ZC3H12B: variants seen among roughly 807,000 people sequenced by gnomAD.
ZC3H12B encodes zinc finger CCCH-type containing 12B.
ZC3H12B carries 7 observed loss-of-function variants against 43.9 expected under a neutral mutation model. That is an observed-to-expected ratio of 0.16 (90% CI 0.09 to 0.30). ZC3H12B has a LOEUF of 0.30. ZC3H12B is among the 10% of genes least tolerant of loss of function. The pLI is 1.00. For synonymous variants in ZC3H12B, 222 were observed against 241.7 expected (o/e 0.92, Z 0.76); for missense variants, 475 against 670.2 (o/e 0.71, Z 3.22).
rs758801799 is a variant in ZC3H12B at position 65,382,599 on chromosome X, C to T, written n.295+13601C>T. Among the ~76,000 whole-genome samples the T allele has an allele frequency of 5.8e-3, 648 of 111,301 alleles. 6 individuals carry two copies. Among genetic ancestry groups the T allele is most frequent in the African/African-American group, 0.02 (603 of 30,544 alleles). ...TTCAGCATAGTATTGGAAGTTCTGG[C>T]TAGGGCAATCAGGCAGGAGAAGGAA... On this transcript the variant is annotated intron_variant and non_coding_transcript_variant, in intron 2 of 5. Transcript: ENST00000617377.
At chrX:65,215,913 A>G in the ZC3H12B span, among the ~76,000 whole-genome samples, 8 of 111,589 alleles carry the variant, frequency 7.2e-5, no homozygotes, top group Non-Finnish European at 1.1e-4. Flanking sequence ...GTCTCAGGGA[A>G]TAGGGAAGCC....
At chrX:65,448,115 G>T (rs2067404665) in intron 3 of ZC3H12B, among the ~76,000 whole-genome samples, 1 of 110,559 alleles carries the variant, frequency 9.0e-6, no homozygotes, top group South Asian at 3.9e-4. Flanking sequence ...GGCACCTGTA[G>T]TCCCAGCTAC....
At chrX:65,345,896 G>T in the ZC3H12B span, among the ~76,000 whole-genome samples, 5 of 110,737 alleles carry the variant, frequency 4.5e-5, no homozygotes, top group Non-Finnish European at 9.5e-5. Flanking sequence ...ATATTCCTAG[G>T]AATACATCTA....
At chrX:65,158,382 C>A in the ZC3H12B span, among the ~76,000 whole-genome samples, 2 of 111,309 alleles carry the variant, frequency 1.8e-5, no homozygotes, top group Non-Finnish European at 1.9e-5. Flanking sequence ...AGTTTACAGT[C>A]CCACCAACAG....
At chrX:65,372,762 A>G (rs148433045) in intron 2 of ZC3H12B, among the ~76,000 whole-genome samples, 6,733 of 112,233 alleles carry the variant, frequency 0.06, 209 homozygotes, top group Non-Finnish European at 0.097. Context: ...GGTTTGGAGA[A>G]CTAGATAACC....
At chrX:65,459,492 CA>C (rs2067697660) in intron 3 of ZC3H12B, among the ~76,000 whole-genome samples, 1 of 111,602 alleles carries the variant, frequency 9.0e-6, no homozygotes. Context: ...AGCAGCACAT[CA>C]AAAAGCTTAT....
chrX:65,129,233 T>G, the ZC3H12B span, among the ~76,000 whole-genome samples: 1 of 92,797 alleles, frequency 1.1e-5, no homozygotes, highest in Non-Finnish European at 1.9e-5. Context: ...AATGGCTCTA[T>G]TATATATGTA....
chrX:65,340,938 T>G, the ZC3H12B span, among the ~76,000 whole-genome samples: 2 of 111,696 alleles, frequency 1.8e-5, no homozygotes, highest in African/African-American at 6.5e-5. Context: ...TGAAACCCAA[T>G]CTAAGGAAGC....
the ZC3H12B span, among the ~76,000 whole-genome samples, chrX:65,106,439 A>G: frequency 1.8e-5 from 2 of 111,534 alleles, no homozygotes; most frequent in Admixed American, 9.6e-5. Context: ...TCTTTTATGT[A>G]CATTGCTCTG....
chrX:65,293,753 A>C, the ZC3H12B span, among the ~76,000 whole-genome samples: 1 of 111,405 alleles, frequency 9.0e-6, no homozygotes, highest in African/African-American at 3.3e-5. Flanking sequence ...AGAAGAAAGA[A>C]CATCAGAGTT....
At chrX:65,472,093 A>G (rs2067923062) in intron 3 of ZC3H12B, among the ~76,000 whole-genome samples, 1 of 111,948 alleles carries the variant, frequency 8.9e-6, no homozygotes. Flanking sequence ...GCATAAAAAT[A>G]TCTTTGGCTG....
chrX:65,464,759 ACTTTT>A (rs777505508), intron 3 of ZC3H12B, among the ~76,000 whole-genome samples: 210 of 110,192 alleles, frequency 1.9e-3, no homozygotes, highest in African/African-American at 6.4e-3. Context: ...TAGGTAGAAA[ACTTTT>A]CTTTAAGCAC....
chrX:65,331,624 AG>A, the ZC3H12B span, among the ~76,000 whole-genome samples: 1 of 110,056 alleles, frequency 9.1e-6, no homozygotes, highest in African/African-American at 3.3e-5. Flanking sequence ...TTATTAGGAA[AG>A]TAAAGGAATA....
At chrX:65,300,158 TATGGGGGAAGGGTGA>T in the ZC3H12B span, among the ~76,000 whole-genome samples, 2 of 111,698 alleles carry the variant, frequency 1.8e-5, no homozygotes, top group Non-Finnish European at 3.8e-5. Flanking sequence ...CTGGACAGAA[TATGGGGGAAGGGTGA>T]ATGGGGCATG....
Position 65,478,756 on chromosome X carries a change from CT to C in ZC3H12B, n.408-9887del, listed in dbSNP as rs752321042. ...GCCTTCACTTCCTGATTACATAAACCTTTAATGTCAACCAAAGGTGAGGGAT... is the reference window on the plus strand; with the variant it reads ...GCCTTCACTTCCTGATTACATAAACCTTAATGTCAACCAAAGGTGAGGGAT... On this transcript the variant is annotated intron_variant and non_coding_transcript_variant, in intron 3 of 5. Transcript: ENST00000617377. Among the ~76,000 whole-genome samples the C allele has an allele frequency of 5.3e-5, 6 of 112,275 alleles. No homozygotes were observed. The South Asian group carries it at 1.5e-3, about 28-fold the overall frequency.
the ZC3H12B span, among the ~76,000 whole-genome samples, chrX:65,228,257 A>T: frequency 2.7e-5 from 3 of 112,350 alleles, no homozygotes; most frequent in African/African-American, 6.5e-5. Context: ...ATAATCCAGC[A>T]TATAAACAGA....
chrX:65,201,133 A>G, the ZC3H12B span, among the ~76,000 whole-genome samples: 1 of 111,506 alleles, frequency 9.0e-6, no homozygotes, highest in Non-Finnish European at 1.9e-5. Context: ...TCTTCTTCGT[A>G]CCTCTGGAAA....
chrX:65,461,723 G>A (rs547981833), intron 3 of ZC3H12B, among the ~76,000 whole-genome samples: 25 of 110,891 alleles, frequency 2.3e-4, no homozygotes, highest in Non-Finnish European at 4.2e-4. Context: ...TAGGGGGGAG[G>A]GATAGCATTA....
the ZC3H12B span, among the ~76,000 whole-genome samples, chrX:65,107,937 G>C: frequency 9.0e-6 from 1 of 111,692 alleles, no homozygotes; most frequent in Non-Finnish European, 1.9e-5. Context: ...GTGCTCCTAG[G>C]CTGCAAACTT....
Sources: gnomAD v4.1 joint callset for allele counts (sites outside exome capture counted in the v4.1 genomes callset) on GRCh38, gnomAD v4.1.1 for gene constraint, MANE v1.5 for transcripts, NCBI Gene and HGNC (gene_info 2026-07-23, HGNC 2026-07-21) for gene names.